The following CMIP variants were observed in gnomAD, a reference collection of about 807,000 sequenced individuals.
The protein encoded by CMIP is C-Maf-inducing protein.
In CMIP, 13 loss-of-function variants were observed where a neutral mutation model predicts 97.3. That is an observed-to-expected ratio of 0.13 (90% CI 0.09 to 0.21). CMIP has a LOEUF of 0.21. CMIP is among the 10% of genes least tolerant of loss of function. CMIP has a pLI of 1.00. For missense variants in CMIP, 847 were observed against 1,024.9 expected (o/e 0.83, Z 2.37); for synonymous variants, 538 against 436.3 (o/e 1.23, Z -2.91).
chr16:81,469,526 C>G (rs1025087964), intron 1 of CMIP, among the ~76,000 whole-genome samples: 1 of 152,174 alleles, frequency 6.6e-6, no homozygotes, highest in Non-Finnish European at 1.5e-5. Flanking sequence ...TTACCACTGT[C>G]ATTGCTACTG....
rs138115940 is a variant in CMIP, at chr16:81,447,598, G to A, written c.300+2057G>A. ...CACCTGTCTAGTACTGGGGACTGAG[G>A]CTTATCCATGGAGCAAGATTCTCTT... is the stretch of plus-strand genomic sequence containing the variant. On this transcript the variant is annotated intron_variant, in intron 1 of 20. Coordinates refer to ENST00000537098, the MANE Select transcript of CMIP (RefSeq NM_198390.3). Among the ~76,000 whole-genome samples the A allele has an allele frequency of 1.3e-3, 203 of 152,318 alleles. 1 individual carries two copies. Among genetic ancestry groups the A allele is most frequent in the African/African-American group, 4.5e-3 (189 of 41,570 alleles).
chr16:81,532,900 G>A (rs1250985590), intron 1 of CMIP, among the ~76,000 whole-genome samples: 1 of 152,206 alleles, frequency 6.6e-6, no homozygotes, highest in Non-Finnish European at 1.5e-5. Context: ...TACTGATGGT[G>A]TGATCTGGGC....
chr16:81,666,195 C>G (rs1367430159), intron 7 of CMIP: 1 of 152,170 alleles, frequency 6.6e-6, no homozygotes, highest in African/African-American at 2.4e-5. Context: ...TTTAAAATCA[C>G]TACGGGTGTA....
At chr16:81,589,656 G>T (rs1186381268) in intron 1 of CMIP, among the ~76,000 whole-genome samples, 1 of 152,192 alleles carries the variant, frequency 6.6e-6, no homozygotes, top group Non-Finnish European at 1.5e-5. Context: ...GCCATGGTCT[G>T]TGTCCATAGA....
chr16:81,449,609 A>C (rs1906081165), intron 1 of CMIP, among the ~76,000 whole-genome samples: 7 of 141,676 alleles, frequency 4.9e-5, no homozygotes, highest in South Asian at 2.4e-4. Flanking sequence ...CCTTCCCCCC[A>C]TGTGCCTAGC....
chr16:81,495,537 T>G (rs1426961422), intron 1 of CMIP: 2 of 1,605,320 alleles, frequency 1.2e-6, no homozygotes, highest in South Asian at 2.2e-5. Context: ...GCTTGATGTC[T>G]GTGCCTAAAA....
chr16:81,575,043 C>A (rs1233864995), intron 1 of CMIP, among the ~76,000 whole-genome samples: 2 of 152,220 alleles, frequency 1.3e-5, no homozygotes, highest in East Asian at 3.9e-4. Context: ...GTGTGCCCTG[C>A]TGCTTCCTGA....
intron 1 of CMIP, among the ~76,000 whole-genome samples, chr16:81,600,972 T>G (rs886498256): frequency 6.6e-6 from 1 of 152,174 alleles, no homozygotes; most frequent in Admixed American, 6.5e-5. Flanking sequence ...AAATCCTTCC[T>G]TACAGTGGGG....
chr16:81,522,694 C>G (rs78439303), intron 1 of CMIP, among the ~76,000 whole-genome samples: 1 of 152,180 alleles, frequency 6.6e-6, no homozygotes, highest in Non-Finnish European at 1.5e-5. Context: ...CGCATTTCTA[C>G]CGCCCCGACT....
chr16:81,571,041 G>A (rs1252029218), intron 1 of CMIP, among the ~76,000 whole-genome samples: 1 of 152,212 alleles, frequency 6.6e-6, no homozygotes, highest in African/African-American at 2.4e-5. Flanking sequence ...TTCATTAGTT[G>A]TAACAAATTC....
At chr16:81,482,934 G>A (rs556388165) in intron 1 of CMIP, among the ~76,000 whole-genome samples, 2 of 152,368 alleles carry the variant, frequency 1.3e-5, no homozygotes, top group African/African-American at 4.8e-5. Flanking sequence ...AGCAGATGGC[G>A]GTGGCGCGTC....
At chr16:81,555,252 G>A (rs907172123) in intron 1 of CMIP, among the ~76,000 whole-genome samples, 1 of 152,218 alleles carries the variant, frequency 6.6e-6, no homozygotes, top group Non-Finnish European at 1.5e-5. Flanking sequence ...AAACGTGATG[G>A]TGTGGTGCTG....
chr16:81,562,611 C>T (rs1027351801), intron 1 of CMIP, among the ~76,000 whole-genome samples: 3 of 152,346 alleles, frequency 2.0e-5, no homozygotes, highest in East Asian at 1.9e-4. Context: ...GCCACGCCCA[C>T]GCCCATGCCT....
At chr16:81,447,119 G>A (rs1437640135) in intron 1 of CMIP, among the ~76,000 whole-genome samples, 7 of 152,200 alleles carry the variant, frequency 4.6e-5, no homozygotes, top group Admixed American at 2.0e-4. Context: ...AAATTTGCCA[G>A]TACGGAGTGT....
intron 1 of CMIP, among the ~76,000 whole-genome samples, chr16:81,501,770 C>A (rs1368075962): frequency 6.6e-6 from 1 of 152,094 alleles, no homozygotes; most frequent in Non-Finnish European, 1.5e-5. Context: ...TGCCACCATA[C>A]CCAGCTAATT....
intron 1 of CMIP, among the ~76,000 whole-genome samples, chr16:81,487,396 ACT>A: frequency 6.6e-6 from 1 of 152,044 alleles, no homozygotes; most frequent in East Asian, 1.9e-4. Flanking sequence ...TGACTGCTCC[ACT>A]CCCGAGGCCC....
intron 1 of CMIP, among the ~76,000 whole-genome samples, chr16:81,537,171 A>C (rs927137704): frequency 1.3e-5 from 2 of 152,222 alleles, no homozygotes; most frequent in Admixed American, 1.3e-4. Context: ...CCTGGCCGTC[A>C]CAATGTTCAC....
At chr16:81,549,013 C>G (rs1033439815) in intron 1 of CMIP, among the ~76,000 whole-genome samples, 1 of 152,210 alleles carries the variant, frequency 6.6e-6, no homozygotes, top group African/African-American at 2.4e-5. Flanking sequence ...GGTTTGAACC[C>G]AGGTCTGTCT....
At chr16:81,609,012 C>T (rs988129410) in intron 2 of CMIP, among the ~76,000 whole-genome samples, 21 of 152,196 alleles carry the variant, frequency 1.4e-4, no homozygotes, top group African/African-American at 2.7e-4. Context: ...AGCTCAGTAG[C>T]GGAGCGTAAC....
Sources: allele counts gnomAD v4.1 joint callset (sites outside exome capture counted in the v4.1 genomes callset), GRCh38; gene constraint gnomAD v4.1.1; transcripts MANE v1.5; gene names NCBI Gene and HGNC (gene_info 2026-07-23, HGNC 2026-07-21).